Variants in BAZ1B observed in about 807,000 individuals in gnomAD.
BAZ1B encodes the protein bromodomain adjacent to zinc finger domain 1B.
BAZ1B carries 22 observed loss-of-function variants against 153.8 expected under a neutral mutation model. The ratio of observed to expected loss-of-function variants is 0.14; its 90% CI spans 0.10 to 0.20. The LOEUF is 0.20. BAZ1B is among the 10% of genes least tolerant of loss of function. The probability of loss-of-function intolerance (pLI) is 1.00; values close to 1 mark genes in which losing one functional copy is unlikely to be tolerated. For synonymous variants in BAZ1B, 676 were observed against 633.4 expected (o/e 1.07, Z -1.01); for missense variants, 1,325 against 1,799.3 (o/e 0.74, Z 4.77).
At chr7:73,463,254 T>C (rs1228124419) in intron 11 of BAZ1B, among the ~76,000 whole-genome samples, 155 bp from the exon 12 acceptor site, 3 of 147,746 alleles carry the variant, frequency 2.0e-5, no homozygotes, top group Admixed American at 6.7e-5. Flanking sequence ...TTTTTTTTTT[T>C]TTTCCCCCGA....
At chr7:73,444,688 A>G (rs1017229640) in intron 16 of BAZ1B, among the ~76,000 whole-genome samples, 1 of 152,174 alleles carries the variant, frequency 6.6e-6, no homozygotes, top group Non-Finnish European at 1.5e-5. Context: ...AGTCCCCTCC[A>G]TAAGAGCCCT....
rs1168749967 is a variant in BAZ1B, at chr7:73,512,028, CAAAAAAAAAAA to C, written c.108-1187_108-1177del. Among the ~76,000 whole-genome samples, 31 of 34,750 alleles carry C rather than the reference CAAAAAAAAAAA, an allele frequency of 8.9e-4. 1 individual carries two copies. Among genetic ancestry groups the C allele is most frequent in the Middle Eastern group, 0.033 (1 of 30 alleles). The allele number at this position is 34,750 out of a possible 152,430, so 22.8% of individuals were successfully genotyped here. On this transcript the variant is annotated intron_variant, in intron 1 of 19. Transcript: ENST00000339594. ...GGGTGATAAGAGCGAAACTCCACCT[CAAAAAAAAAAA>C]AAAAAAAAAAAAAAAAAAGGAATCA...
At chr7:73,447,890 G>A (rs1195639553) in intron 15 of BAZ1B, among the ~76,000 whole-genome samples, 4 of 152,156 alleles carry the variant, frequency 2.6e-5, no homozygotes, top group Non-Finnish European at 4.4e-5. Context: ...CGGAACAGCT[G>A]GTCCAAAGCC....
intron 3 of BAZ1B, 121 bp from the exon 4 acceptor site, chr7:73,498,819 A>T: frequency 1.2e-6 from 1 of 823,306 alleles, no homozygotes; most frequent in Non-Finnish European, 1.9e-6. Context: ...GAAACAGTAA[A>T]GTATCCAAGT....
chr7:73,513,859 A>G (rs573408884), intron 1 of BAZ1B, among the ~76,000 whole-genome samples: 11 of 152,116 alleles, frequency 7.2e-5, no homozygotes, highest in Non-Finnish European at 1.6e-4. Flanking sequence ...CGACTTTACA[A>G]AAAACTATTA....
rs182385079 is a variant in BAZ1B, at chr7:73,500,888, T to C, written c.370-2190A>G. ...CCTGGGCAACAAGCAAAACTCTGTTTATAAAAAAAAAAAAAAAACAGAGTT... is the reference window on the plus strand; with the variant it reads ...CCTGGGCAACAAGCAAAACTCTGTTCATAAAAAAAAAAAAAAAACAGAGTT... On this transcript the variant is annotated intron_variant, in intron 3 of 19. Coordinates refer to ENST00000339594, the MANE Select transcript of BAZ1B (RefSeq NM_032408.4). 8.7e-3 allele frequency among the ~76,000 whole-genome samples: 1,135 copies of C among 130,218 alleles called. 14 individuals are homozygous for C. Among genetic ancestry groups the C allele is most frequent in the African/African-American group, 0.034 (1,111 of 32,828 alleles). The allele number at this position is 130,218 out of a possible 152,430, so 85.4% of individuals were successfully genotyped here.
intron 12 of BAZ1B, among the ~76,000 whole-genome samples, chr7:73,460,913 C>T (rs1382701205): frequency 5.9e-5 from 9 of 151,722 alleles, no homozygotes; most frequent in African/African-American, 2.2e-4. Flanking sequence ...CTGTGAATAG[C>T]CACTGCACTT....
intron 15 of BAZ1B, 27 bp from the exon 16 acceptor site, chr7:73,447,406 A>C: frequency 6.3e-7 from 1 of 1,594,954 alleles, no homozygotes; most frequent in Non-Finnish European, 8.5e-7. Flanking sequence ...TAATGTAGGG[A>C]ACACAGTTTT....
At chr7:73,511,616 C>T (rs1400316943) in intron 1 of BAZ1B, among the ~76,000 whole-genome samples, 5 of 152,134 alleles carry the variant, frequency 3.3e-5, no homozygotes, top group East Asian at 1.9e-4. Flanking sequence ...ACAAGACTTA[C>T]GCTGTACCAA....
intron 6 of BAZ1B, among the ~76,000 whole-genome samples, chr7:73,487,212 T>C (rs782421250): frequency 5.9e-5 from 9 of 152,182 alleles, no homozygotes; most frequent in Non-Finnish European, 1.3e-4. Flanking sequence ...GCTTATTTCT[T>C]CAGAAATTGC....
At position 73,470,410 on chromosome 7, in the gene BAZ1B, T is replaced by C; in HGVS notation, c.2667A>G (p.Glu889=). ...TGACTAGTTTGGCCTTGGCAATCCC[T>C]TCCTGGAAAGCTTTCTCAGCAGCTG... ...HKAAAEKAFQ[E]GIAKAKLVMR... The change falls in exon 8 of 20, where the codon GAA becomes GAG. Residue 889 remains glutamate (E), a synonymous_variant. Transcript: ENST00000339594. 12 of 1,614,172 alleles carry C rather than the reference T, an allele frequency of 7.4e-6. No homozygotes were observed. Among genetic ancestry groups the C allele is most frequent in the Non-Finnish European group, 1.0e-5 (12 of 1,180,022 alleles).
At chr7:73,475,173 T>C (rs1788951052) in intron 7 of BAZ1B, among the ~76,000 whole-genome samples, 2 of 152,222 alleles carry the variant, frequency 1.3e-5, no homozygotes, top group South Asian at 4.1e-4. Context: ...TCTGGCAGTT[T>C]CTCAGATGGT....
chr7:73,451,246 T>C (rs911448660), intron 13 of BAZ1B, among the ~76,000 whole-genome samples: 1 of 152,228 alleles, frequency 6.6e-6, no homozygotes, highest in South Asian at 2.1e-4. Context: ...AACAACTCAG[T>C]ATAATTTAAA....
chr7:73,498,680 G>C lies in BAZ1B; in HGVS notation c.388C>G (p.Leu130Val), dbSNP rs370438769. Residue 130 changes from leucine to valine, a missense_variant, in exon 4 of 20, where the codon CTC becomes GTC. This residue lies in a region of BAZ1B where 153 missense variants were observed against 204.8 expected (regional missense o/e 0.75). Coordinates refer to ENST00000339594, the MANE Select transcript of BAZ1B (RefSeq NM_032408.4). ...CDFEVGKEKM[L>V]KVKIVKIHPL... ...TGAATCTTCACAATCTTCACCTTGA[G>C]CATTTTCTCCTTCCCAACCTATAAA... 1.2e-6 allele frequency: 2 copies of C among 1,613,822 alleles called. No individual in the cohort carries two copies. Among genetic ancestry groups the C allele is most frequent in the Non-Finnish European group, 1.7e-6 (2 of 1,180,012 alleles).
chr7:73,459,815 A>C, intron 12 of BAZ1B, 97 bp from the exon 13 acceptor site: 3 of 1,085,720 alleles, frequency 2.8e-6, no homozygotes, highest in Non-Finnish European at 3.9e-6. Context: ...CTCAAATGCC[A>C]CATAACATTC....
At chr7:73,496,764 GGA>G (rs1264693077) in intron 4 of BAZ1B, among the ~76,000 whole-genome samples, 1 of 152,044 alleles carries the variant, frequency 6.6e-6, no homozygotes, top group Non-Finnish European at 1.5e-5. Context: ...TACAGATTAT[GGA>G]GAGAAAAAAG....
intron 6 of BAZ1B, among the ~76,000 whole-genome samples, chr7:73,481,569 C>A (rs1789202888): frequency 1.3e-5 from 2 of 150,892 alleles, no homozygotes. Flanking sequence ...GAGAAACGAG[C>A]CCACAGAACC....
At position 73,441,173 on chromosome 7, in the gene BAZ1B, T is replaced by C. The variant is rs1787600929; in HGVS notation, c.*536A>G. The C allele has an allele frequency of 6.6e-6, 1 of 152,624 alleles. No individual in the cohort carries two copies. The highest frequency in any genetic ancestry group is 2.4e-5 in the African/African-American group (1 of 41,418). 9.5% of individuals were successfully genotyped at this position (152,624 alleles called of 1,614,324 possible). On this transcript the variant is annotated 3_prime_UTR_variant, in exon 20 of 20. Transcript: ENST00000339594. ...CCCAACTGCTCTAGAGGAGAGTGGA[T>C]GGGCTGAAGGAGAAGCCAGGGAAGT...
At chr7:73,471,124 T>C (rs1337218894) in intron 7 of BAZ1B, among the ~76,000 whole-genome samples, 3 of 152,164 alleles carry the variant, frequency 2.0e-5, no homozygotes, top group Non-Finnish European at 4.4e-5. Context: ...TTCTGACAGG[T>C]GCACCTACAG....
Sources: allele counts gnomAD v4.1 joint callset (sites outside exome capture counted in the v4.1 genomes callset), GRCh38; gene constraint gnomAD v4.1.1; regional missense constraint gnomAD v4.1.1; transcripts MANE v1.5; gene names NCBI Gene and HGNC (gene_info 2026-07-23, HGNC 2026-07-21).